DSC2: variants seen among roughly 807,000 people sequenced by gnomAD.
The protein encoded by DSC2 is desmocollin-2.
A neutral mutation model predicts 87.6 loss-of-function variants in DSC2; 51 were observed. That is an observed-to-expected ratio of 0.58 (90% CI 0.46 to 0.74). The LOEUF (loss-of-function observed/expected upper bound fraction) is 0.74. DSC2 is among the 30% of genes least tolerant of loss of function. The pLI is 0.00. For missense variants in DSC2, 1,066 were observed against 1,089.5 expected (o/e 0.98, Z 0.30); for synonymous variants, 383 against 393.2 (o/e 0.97, Z 0.31).
intron 4 of DSC2, among the ~76,000 whole-genome samples, chr18:31,090,106 AATGGAATAATATTT>A (rs1987542919): frequency 6.6e-6 from 1 of 152,208 alleles, no homozygotes; most frequent in Non-Finnish European, 1.5e-5. Context: ...TGAGAATAGA[AATGGAATAATATTT>A]TGGAATGTGT....
Position 31,092,428 on chromosome 18 carries a change from AG to A in DSC2, c.155-129del, listed in dbSNP as rs1290388360. The A allele has an allele frequency of 9.2e-6, 7 of 759,252 alleles. No individual in the cohort carries two copies. The Admixed American group carries it at 1.5e-4, about 16-fold the overall frequency. 47.0% of individuals were successfully genotyped at this position (759,252 alleles called of 1,614,324 possible). ...ATACTGACACTTGTAAATTTTTGAA[AG>A]GACACATAAAACTATATGGTGAATT... On this transcript the variant is annotated intron_variant, in intron 2 of 15. Transcript: ENST00000280904.
At chr18:31,068,860 A>G (rs1247949737) in intron 15 of DSC2, 34 bp downstream of exon 15, 1 of 1,611,692 alleles carries the variant, frequency 6.2e-7, no homozygotes, top group South Asian at 1.1e-5. Context: ...AAAGAAAATT[A>G]AAATAGATTT....
At chr18:31,088,394 T>G (rs1192507290) in intron 5 of DSC2, among the ~76,000 whole-genome samples, 1 of 152,176 alleles carries the variant, frequency 6.6e-6, no homozygotes, top group Non-Finnish European at 1.5e-5. Flanking sequence ...AATTTTTTTG[T>G]TTTTATAATA....
Position 31,063,087 on chromosome 18 carries a change from T to G in DSC2, c.*4928A>C, listed in dbSNP as rs886129692. On this transcript the variant is annotated 3_prime_UTR_variant, in exon 16 of 16. Transcript: ENST00000280904. ...GCTTATGCCTGTAATCCCAGCACTT[T>G]GGGAGGCCAAGTGCTGACAGATCAC... 2.6e-5 allele frequency: 4 copies of G among 152,160 alleles called. No homozygotes were observed. Among genetic ancestry groups the G allele is most frequent in the Non-Finnish European group, 4.4e-5 (3 of 68,044 alleles). 9.4% of individuals were successfully genotyped at this position (152,160 alleles called of 1,614,324 possible). A position where few individuals can be genotyped will look rare whatever the true frequency, so the allele number is the denominator to read the frequency against.
Position 31,079,894 on chromosome 18 carries a change from G to T in DSC2, c.1616C>A (p.Thr539Asn). The change falls in exon 11 of 16, where the codon ACC (threonine) becomes AAC (asparagine). Residue 539 changes from threonine to asparagine, a missense_variant. Transcript: ENST00000280904. ...AATATTATATATGCCATTTTTGATG[G>T]TCTCTGCCTCTCTATCCAGGCTTCT... ...VFRSLDREAETIKNGIYNITV... is the reference protein window; with the variant it reads ...VFRSLDREAENIKNGIYNITV... The T allele has an allele frequency of 6.2e-7, 1 of 1,613,896 alleles. No individual in the cohort carries two copies. The highest frequency in any genetic ancestry group is 8.5e-7 in the Non-Finnish European group (1 of 1,179,940).
At chr18:31,073,852 C>T (rs187833326) in intron 12 of DSC2, among the ~76,000 whole-genome samples, 79 of 152,250 alleles carry the variant, frequency 5.2e-4, no homozygotes, top group African/African-American at 1.7e-3. Flanking sequence ...CATGGGGAAC[C>T]GAGTTAGGGG....
chr18:31,064,195 A>T lies in DSC2; in HGVS notation c.*3820T>A, dbSNP rs1986559848. ...TTTCACATCATCTGAAGCTTTTTAA[A>T]AACATGCATTATGCACTTACTATGT... On this transcript the variant is annotated 3_prime_UTR_variant, in exon 16 of 16. Transcript: ENST00000280904. 6.6e-6 allele frequency: 1 copy of T among 152,176 alleles called. No homozygotes were observed. Among genetic ancestry groups the T allele is most frequent in the African/African-American group, 2.4e-5 (1 of 41,460 alleles). The allele number at this position is 152,176 out of a possible 1,614,324, so 9.4% of individuals were successfully genotyped here.
rs753454991 is a variant in DSC2 at position 31,092,253 on chromosome 18, C to G, written c.202G>C (p.Asp68His). 2 of 1,613,740 alleles carry G rather than the reference C, an allele frequency of 1.2e-6. No homozygotes were observed. Among genetic ancestry groups the G allele is most frequent in the South Asian group, 1.1e-5 (1 of 91,074 alleles). The change falls in exon 3 of 16, where the codon GAT becomes CAT. Residue 68 changes from aspartate (D) to histidine (H), a missense_variant. Coordinates refer to ENST00000280904, the MANE Select transcript of DSC2 (RefSeq NM_024422.6). ...FTAANLIHSS[D>H]PDFQILEDGS... ...TCCTCCAAAATTTGGAAGTCAGGAT[C>G]ACTTGAATGAATTAGATTTGCAGCT...
chr18:31,097,874 T>C (rs760030313), intron 1 of DSC2, among the ~76,000 whole-genome samples: 2 of 151,372 alleles, frequency 1.3e-5, no homozygotes, highest in Non-Finnish European at 2.9e-5. Flanking sequence ...AAGTGTGAAA[T>C]GGCATTTTAA....
chr18:31,097,588 T>C (rs771144887), intron 1 of DSC2, among the ~76,000 whole-genome samples: 37 of 151,920 alleles, frequency 2.4e-4, no homozygotes, highest in Admixed American at 9.2e-4. Flanking sequence ...ATAGGAAAAT[T>C]ATTTTTTAAA....
At chr18:31,075,344 G>T (rs1434934133) in intron 11 of DSC2, among the ~76,000 whole-genome samples, 2 of 152,222 alleles carry the variant, frequency 1.3e-5, no homozygotes, top group South Asian at 2.1e-4. Flanking sequence ...TTGAAAGCCA[G>T]ACTAGGGAGC....
At position 31,067,675 on chromosome 18, in the gene DSC2, T is replaced by C; in HGVS notation, c.*340A>G. ...CTACAATTTTCCATTAGGTTGTGCT[T>C]CAAATAGTCTATAATAAGGACTTGA... On this transcript the variant is annotated 3_prime_UTR_variant, in exon 16 of 16. Transcript: ENST00000280904. 4.0e-6 allele frequency: 1 copy of C among 250,900 alleles called. No individual in the cohort carries two copies. The highest frequency in any genetic ancestry group is 7.8e-6 in the Non-Finnish European group (1 of 128,678). 15.5% of individuals were successfully genotyped at this position (250,900 alleles called of 1,614,324 possible). A position where few individuals can be genotyped will look rare whatever the true frequency, so the allele number is the denominator to read the frequency against.
intron 1 of DSC2, chr18:31,101,685 G>C: frequency 1.8e-6 from 1 of 564,942 alleles, no homozygotes; most frequent in South Asian, 2.2e-5. Context: ...TACATCTACC[G>C]GAGACACCTT....
chr18:31,085,229 G>A (rs931027729), intron 7 of DSC2, among the ~76,000 whole-genome samples: 4 of 151,866 alleles, frequency 2.6e-5, no homozygotes, highest in Non-Finnish European at 2.9e-5. Flanking sequence ...ATATGCTTCA[G>A]CTAAAACTAC....
At chr18:31,095,403 TGAA>T (rs1987732551) in intron 1 of DSC2, among the ~76,000 whole-genome samples, 1 of 152,158 alleles carries the variant, frequency 6.6e-6, no homozygotes, top group African/African-American at 2.4e-5. Flanking sequence ...AACAGCCTGA[TGAA>T]GAAGCTGTGG....
intron 6 of DSC2, 23 bp from the exon 7 acceptor site, chr18:31,086,765 A>C (rs901533326): frequency 6.2e-7 from 1 of 1,609,106 alleles, no homozygotes; most frequent in African/African-American, 1.3e-5. Context: ...AGTCCTTTTT[A>C]ATCTCCAAAA....
chr18:31,059,914 A>G lies in DSC2; in HGVS notation c.*8101T>C, dbSNP rs1234434490. On this transcript the variant is annotated 3_prime_UTR_variant, in exon 16 of 16. Coordinates refer to ENST00000280904, the MANE Select transcript of DSC2 (RefSeq NM_024422.6). The stretch of plus-strand genomic sequence containing the variant: ...ATACTGATGAGCCAAGCAGTAAGCT[A>G]GGATCTTTATGTGAATTATATAATT... The G allele has an allele frequency of 6.6e-6, 1 of 152,194 alleles. No individual in the cohort carries two copies. Among genetic ancestry groups the G allele is most frequent in the Non-Finnish European group, 1.5e-5 (1 of 68,040 alleles). 9.4% of individuals were successfully genotyped at this position (152,194 alleles called of 1,614,324 possible). A position where few individuals can be genotyped will look rare whatever the true frequency, so the allele number is the denominator to read the frequency against.
intron 2 of DSC2, among the ~76,000 whole-genome samples, chr18:31,093,317 C>T (rs1434428631): frequency 6.6e-6 from 1 of 152,190 alleles, no homozygotes; most frequent in Non-Finnish European, 1.5e-5. Context: ...ACAAGCCCCA[C>T]TTGTGTTGTT....
chr18:31,082,626 T>C (rs1987262119), intron 8 of DSC2, among the ~76,000 whole-genome samples: 1 of 152,104 alleles, frequency 6.6e-6, no homozygotes, highest in South Asian at 2.1e-4. Flanking sequence ...TTTTTTCTTT[T>C]CCTTCACTGC....
Sources: gnomAD v4.1 joint callset for allele counts (sites outside exome capture counted in the v4.1 genomes callset) on GRCh38, gnomAD v4.1.1 for gene constraint, MANE v1.5 for transcripts, NCBI Gene and HGNC (gene_info 2026-07-23, HGNC 2026-07-21) for gene names.